Variants in OTOGL observed in about 807,000 individuals in gnomAD.
OTOGL encodes the protein otogelin like, also known as otogelin-like protein.
Under a neutral mutation model 318.5 loss-of-function variants are expected in OTOGL, and 285 were observed. The ratio of observed to expected loss-of-function variants is 0.89; its 90% CI spans 0.81 to 0.99. The LOEUF (loss-of-function observed/expected upper bound fraction) is 0.99, where lower values mean the gene tolerates loss of function less well. Among genes scored for constraint, OTOGL ranks in the 50% least tolerant of loss-of-function variants. The probability of loss-of-function intolerance (pLI) is 0.00; values close to 1 mark genes in which losing one functional copy is unlikely to be tolerated. For synonymous variants in OTOGL, 987 were observed against 936.5 expected, an observed-to-expected ratio of 1.05 and a Z score of -0.99; for missense variants, 2,899 against 2,845.6, an observed-to-expected ratio of 1.02 and a Z score of -0.43.
intron 24 of OTOGL, among the ~76,000 whole-genome samples, chr12:80,276,274 G>T (rs889086647): frequency 2.6e-5 from 4 of 151,578 alleles, no homozygotes; most frequent in African/African-American, 9.7e-5. Context: ...AGGAATGGGG[G>T]GTACTAAAAT....
At chr12:80,185,193 A>T (rs936558227) in intron 1 of OTOGL, among the ~76,000 whole-genome samples, 1 of 152,188 alleles carries the variant, frequency 6.6e-6, no homozygotes, top group Non-Finnish European at 1.5e-5. Context: ...GAGACAGGCA[A>T]TGTGAACAGA....
chr12:80,151,200 TA>T (rs1177638235), intron 1 of OTOGL, among the ~76,000 whole-genome samples: 1 of 152,052 alleles, frequency 6.6e-6, no homozygotes, highest in Non-Finnish European at 1.5e-5. Flanking sequence ...ATCCAACATG[TA>T]CAAAAAGCAA....
chr12:80,190,781 C>T (rs1875630536), intron 1 of OTOGL, among the ~76,000 whole-genome samples: 1 of 89,758 alleles, frequency 1.1e-5, no homozygotes, highest in African/African-American at 4.2e-5. Flanking sequence ...AGTGAGACTC[C>T]GTCTCAAAAA....
chr12:80,230,518 G>A (rs1879268623), intron 8 of OTOGL, among the ~76,000 whole-genome samples: 1 of 152,090 alleles, frequency 6.6e-6, no homozygotes, highest in Admixed American at 6.5e-5. Context: ...ATCATGTTTT[G>A]TAAAACAGAC....
chr12:80,126,857 T>C (rs1870878591), intron 1 of OTOGL, among the ~76,000 whole-genome samples: 1 of 152,212 alleles, frequency 6.6e-6, no homozygotes, highest in Admixed American at 6.5e-5. Flanking sequence ...AGAACTAGGA[T>C]TGCAACCCCT....
At chr12:80,243,196 C>A (rs563829365) in intron 11 of OTOGL, among the ~76,000 whole-genome samples, 41 of 152,150 alleles carry the variant, frequency 2.7e-4, no homozygotes, top group South Asian at 6.2e-4. Context: ...GACACCTTAA[C>A]CTACAGAGGA....
intron 1 of OTOGL, among the ~76,000 whole-genome samples, chr12:80,194,861 C>T (rs934928864): frequency 2.0e-5 from 3 of 152,106 alleles, no homozygotes; most frequent in Non-Finnish European, 4.4e-5. Context: ...GTACAAGCCA[C>T]AAGCCATATG....
At chr12:80,289,246 C>G (rs960731638) in intron 26 of OTOGL, among the ~76,000 whole-genome samples, 2 of 152,132 alleles carry the variant, frequency 1.3e-5, no homozygotes, top group Non-Finnish European at 2.9e-5. Context: ...GCAAAGATTG[C>G]TGCCTGCTCC....
chr12:80,170,431 T>C (rs1236575054), intron 1 of OTOGL, among the ~76,000 whole-genome samples: 2 of 152,078 alleles, frequency 1.3e-5, no homozygotes, highest in African/African-American at 4.8e-5. Flanking sequence ...TGGTTTTTTC[T>C]TTTCCTTTTT....
At chr12:80,217,776 A>C in intron 5 of OTOGL, 112 bp downstream of exon 5, 4 of 741,220 alleles carry the variant, frequency 5.4e-6, no homozygotes, top group Non-Finnish European at 8.6e-6. Flanking sequence ...AAAGTGAGCC[A>C]GGATGGTAGT....
At chr12:80,166,296 AC>A (rs2137205016) in intron 1 of OTOGL, among the ~76,000 whole-genome samples, 1 of 151,976 alleles carries the variant, frequency 6.6e-6, no homozygotes, top group East Asian at 1.9e-4. Context: ...ATACATACAC[AC>A]ATGCATACAT....
chr12:80,333,035 C>G lies in OTOGL; in HGVS notation c.4379C>G (p.Thr1460Ser), dbSNP rs1243736031. 2.5e-6 allele frequency: 4 copies of G among 1,602,222 alleles called. No individual in the cohort carries two copies. The highest frequency in any genetic ancestry group is 3.4e-6 in the Non-Finnish European group (4 of 1,173,460). The change falls in exon 38 of 59, where the codon ACT (threonine) becomes AGT (serine). Residue 1460 changes from threonine to serine, a missense_variant. Transcript: ENST00000547103. Reference protein sequence around the residue: ...VWEMITPSDITVFDMLTPTTG... With the variant: ...VWEMITPSDISVFDMLTPTTG... The stretch of plus-strand genomic sequence containing the variant: ...GAAATGATTACTCCATCAGACATCA[C>G]TGTGTTTGATATGCTAACACCAACT...
intron 18 of OTOGL, 52 bp from the exon 19 acceptor site, chr12:80,261,917 T>C (rs1882559052): frequency 3.2e-6 from 5 of 1,575,880 alleles, no homozygotes; most frequent in Non-Finnish European, 3.5e-6. Context: ...CTGAAGGTTA[T>C]GAACAAATGA....
chr12:80,311,709 T>C (rs974642551), intron 30 of OTOGL, among the ~76,000 whole-genome samples: 1 of 152,200 alleles, frequency 6.6e-6, no homozygotes, highest in East Asian at 1.9e-4. Context: ...GCCCGGCAGA[T>C]ATTTTATTAA....
In OTOGL at chr12:80,267,237, C is replaced by A. The variant is rs139336265; in HGVS notation, c.2391-16C>A. On this transcript the variant is annotated splice_polypyrimidine_tract_variant and intron_variant, in intron 21 of 58. Transcript: ENST00000547103. ...AAAAAATTGTATCCTATTTACTTTACTTTTTCTTCGTATAGATTCCACTGC... is the reference window on the plus strand; with the variant it reads ...AAAAAATTGTATCCTATTTACTTTAATTTTTCTTCGTATAGATTCCACTGC... 1,164 of 1,480,726 alleles carry A rather than the reference C, an allele frequency of 7.9e-4. 10 individuals carry two copies. The East Asian group carries it at 0.021, about 27-fold the overall frequency. The allele number at this position is 1,480,726 out of a possible 1,614,324, so 91.7% of individuals were successfully genotyped here. A position where few individuals can be genotyped will look rare whatever the true frequency, so the allele number is the denominator to read the frequency against.
chr12:80,375,868 G>A (rs1891150680), intron 57 of OTOGL, among the ~76,000 whole-genome samples: 1 of 152,042 alleles, frequency 6.6e-6, no homozygotes, highest in Admixed American at 6.6e-5. Context: ...TCAACCAACA[G>A]CACTGAGCCT....
intron 29 of OTOGL, among the ~76,000 whole-genome samples, chr12:80,307,134 C>A (rs376281236): frequency 0.012 from 1,773 of 150,630 alleles, 21 homozygotes; most frequent in African/African-American, 0.041. Flanking sequence ...GTAAGGTCAC[C>A]GATCAACAGG....
chr12:80,310,629 A>G lies in OTOGL; in HGVS notation c.3352A>G (p.Thr1118Ala), dbSNP rs1886568628. 1 of 1,591,572 alleles carries G rather than the reference A, an allele frequency of 6.3e-7. No individual in the cohort carries two copies. The highest frequency in any genetic ancestry group is 8.5e-7 in the Non-Finnish European group (1 of 1,173,040). Residue 1118 changes from threonine (T) to alanine (A), a missense_variant, in exon 30 of 59, where the codon ACA becomes GCA. By Grantham distance (58) the Thr-to-Ala change is moderately conservative. Transcript: ENST00000547103. The stretch of plus-strand genomic sequence containing the variant: ...TCAACAGTGTGAAAGTCCAGATGAA[A>G]CAATTAAACCCTGTGAGGCACATCA... Reference protein sequence around the residue: ...ALGQCESPDETIKPCEAHQNK... With the variant: ...ALGQCESPDEAIKPCEAHQNK...
At chr12:80,143,713 T>A (rs2137146841) in intron 1 of OTOGL, among the ~76,000 whole-genome samples, 1 of 152,242 alleles carries the variant, frequency 6.6e-6, no homozygotes, top group African/African-American at 2.4e-5. Flanking sequence ...CTGTCACATT[T>A]GATAGAGTGT....
Sources: allele counts gnomAD v4.1 joint callset (sites outside exome capture counted in the v4.1 genomes callset), GRCh38; gene constraint gnomAD v4.1.1; transcripts MANE v1.5; gene names NCBI Gene and HGNC (gene_info 2026-07-23, HGNC 2026-07-21).